Variants in SLC35D4 observed in about 807,000 individuals in gnomAD.
SLC35D4 encodes solute carrier family 35 member D4, also known as UDP-N-acetylglucosamine transporter SLC35D4.
chr18:23,430,794 T>A, the SLC35D4 span: 2 of 966,346 alleles, frequency 2.1e-6, no homozygotes, highest in African/African-American at 3.3e-5. Flanking sequence ...AATTCAAGTT[T>A]TAAAAAGGCC....
At chr18:23,312,822 C>G in the SLC35D4 span, among the ~76,000 whole-genome samples, 1 of 152,090 alleles carries the variant, frequency 6.6e-6, no homozygotes, top group South Asian at 2.1e-4. Context: ...TCACATTCGA[C>G]AAAGGGTGGA....
At chr18:23,383,418 G>T in the SLC35D4 span, among the ~76,000 whole-genome samples, 2 of 8,520 alleles carry the variant, frequency 2.3e-4, no homozygotes, top group African/African-American at 2.5e-4. Flanking sequence ...GGCCTGGAGA[G>T]GCCAGAGGAG....
the SLC35D4 span, among the ~76,000 whole-genome samples, chr18:23,371,926 G>GTTTTTTTTTTTTTTTTTTT: frequency 8.4e-5 from 1 of 11,864 alleles, no homozygotes; most frequent in African/African-American, 2.7e-4. Flanking sequence ...TTTCTTCCTT[G>GTTTTTTTTTTTTTTTTTTT]TTTTTTTTGT....
chr18:23,261,667 C>T, the SLC35D4 span, among the ~76,000 whole-genome samples: 1 of 152,116 alleles, frequency 6.6e-6, no homozygotes, highest in African/African-American at 2.4e-5. Flanking sequence ...ACAGCTTAAC[C>T]TTTCCTACCT....
the SLC35D4 span, chr18:23,257,367 G>A: frequency 1.3e-6 from 2 of 1,594,536 alleles, no homozygotes; most frequent in Middle Eastern, 1.7e-4. Flanking sequence ...AGAGTTCCTA[G>A]CACTGGCCCC....
At chr18:23,323,618 G>C in the SLC35D4 span, among the ~76,000 whole-genome samples, 1 of 152,150 alleles carries the variant, frequency 6.6e-6, no homozygotes, top group Admixed American at 6.5e-5. Flanking sequence ...AGACCTTCCA[G>C]CTCTTGCCAC....
the SLC35D4 span, among the ~76,000 whole-genome samples, chr18:23,380,395 G>A: frequency 3.0e-4 from 46 of 152,240 alleles, no homozygotes; most frequent in South Asian, 8.5e-3. Flanking sequence ...CTGCCTGCCT[G>A]ACAAGGAGAG....
chr18:23,337,361 G>C, the SLC35D4 span, among the ~76,000 whole-genome samples: 1 of 151,908 alleles, frequency 6.6e-6, no homozygotes, highest in Non-Finnish European at 1.5e-5. Context: ...TGTAGTCCCA[G>C]CTACCTGGGA....
the SLC35D4 span, among the ~76,000 whole-genome samples, chr18:23,403,061 G>A: frequency 5.3e-5 from 8 of 152,134 alleles, no homozygotes; most frequent in African/African-American, 1.7e-4. Flanking sequence ...AGCCAAGGTC[G>A]TGCCACTGCA....
chr18:23,312,002 T>A, the SLC35D4 span, among the ~76,000 whole-genome samples: 2 of 152,256 alleles, frequency 1.3e-5, no homozygotes, highest in Admixed American at 6.5e-5. Flanking sequence ...CAGCTCCGCA[T>A]AATGGAACAC....
At chr18:23,382,529 G>A in the SLC35D4 span, among the ~76,000 whole-genome samples, 2 of 151,368 alleles carry the variant, frequency 1.3e-5, no homozygotes, top group Non-Finnish European at 2.9e-5. Context: ...ACCAATGATT[G>A]TAAAACTTCC....
chr18:23,286,052 T>C, the SLC35D4 span, among the ~76,000 whole-genome samples: 7 of 152,344 alleles, frequency 4.6e-5, no homozygotes, highest in Non-Finnish European at 8.8e-5. Context: ...ATATACATTT[T>C]ATTACCCAAT....
chr18:23,332,818 C>T, the SLC35D4 span, among the ~76,000 whole-genome samples: 20 of 151,310 alleles, frequency 1.3e-4, no homozygotes, highest in African/African-American at 4.6e-4. Context: ...TGCAACATTT[C>T]TGTGAAGTGT....
the SLC35D4 span, among the ~76,000 whole-genome samples, chr18:23,300,598 C>T: frequency 2.0e-5 from 3 of 152,268 alleles, no homozygotes; most frequent in East Asian, 1.9e-4. Flanking sequence ...AACCTTGGTT[C>T]GGTTTACTGT....
chr18:23,313,156 A>AAAAAAAAAAAAAAAAAAAAAAAT, the SLC35D4 span, among the ~76,000 whole-genome samples: 3 of 146,524 alleles, frequency 2.0e-5, 1 homozygote, highest in Admixed American at 6.8e-5. Flanking sequence ...AAAAAAAAAA[A>AAAAAAAAAAAAAAAAAAAAAAAT]AGAACCTGAG....
At chr18:23,377,568 T>A in the SLC35D4 span, 1 of 1,398,956 alleles carries the variant, frequency 7.1e-7, no homozygotes, top group Non-Finnish European at 9.7e-7. Flanking sequence ...AGTATGAATC[T>A]TGAACAGTTT....
chr18:23,405,925 A>G, the SLC35D4 span, among the ~76,000 whole-genome samples: 2 of 152,206 alleles, frequency 1.3e-5, no homozygotes, highest in Non-Finnish European at 2.9e-5. Context: ...AGATTTCCAT[A>G]CTTTTCCAGG....
the SLC35D4 span, among the ~76,000 whole-genome samples, chr18:23,435,744 C>A: frequency 6.6e-6 from 1 of 152,232 alleles, no homozygotes; most frequent in Non-Finnish European, 1.5e-5. Context: ...GCCCAGGCTG[C>A]AGGCGCAGTG....
the SLC35D4 span, among the ~76,000 whole-genome samples, chr18:23,263,389 C>T: frequency 2.0e-5 from 3 of 152,220 alleles, no homozygotes; most frequent in Admixed American, 6.5e-5. Flanking sequence ...CTACGAAATC[C>T]ATAGCATCGT....
Sources: allele counts gnomAD v4.1 joint callset (sites outside exome capture counted in the v4.1 genomes callset), GRCh38; gene constraint gnomAD v4.1.1; transcripts MANE v1.5; gene names NCBI Gene and HGNC (gene_info 2026-07-23, HGNC 2026-07-21).